The following SGCZ variants were observed in gnomAD, a reference collection of about 807,000 sequenced individuals.
SGCZ encodes sarcoglycan zeta.
Under a neutral mutation model 41.3 loss-of-function variants are expected in SGCZ, and 40 were observed. The ratio of observed to expected loss-of-function variants is 0.97; its 90% CI spans 0.75 to 1.26. The LOEUF (loss-of-function observed/expected upper bound fraction) is 1.26, where lower values mean the gene tolerates loss of function less well. Among genes scored for constraint, SGCZ ranks in the 50% most tolerant of loss-of-function variants. The pLI, the probability that SGCZ is intolerant of heterozygous loss-of-function variation, is 0.00. For missense variants in SGCZ, 552 were observed against 369.8 expected, an observed-to-expected ratio of 1.49 and a Z score of -4.04; for synonymous variants, 206 against 137.5, an observed-to-expected ratio of 1.50 and a Z score of -3.49.
intron 1 of SGCZ, among the ~76,000 whole-genome samples, chr8:14,743,676 C>T (rs141894192): frequency 2.2e-3 from 334 of 152,080 alleles, no homozygotes; most frequent in African/African-American, 7.8e-3. Flanking sequence ...AGTTTGCTCT[C>T]CCCCGCCCGA....
intron 3 of SGCZ, among the ~76,000 whole-genome samples, chr8:14,300,045 G>C (rs1036776496): frequency 6.6e-6 from 1 of 151,946 alleles, no homozygotes; most frequent in Non-Finnish European, 1.5e-5. Flanking sequence ...GGTTTTGTAA[G>C]TCTGAAGTGT....
chr8:14,968,030 A>T (rs1384434326), intron 1 of SGCZ, among the ~76,000 whole-genome samples: 1 of 152,178 alleles, frequency 6.6e-6, no homozygotes, highest in Non-Finnish European at 1.5e-5. Flanking sequence ...AATTTAATCC[A>T]ACTAGAATTT....
At chr8:14,863,850 G>A (rs1028427553) in intron 1 of SGCZ, among the ~76,000 whole-genome samples, 1 of 152,056 alleles carries the variant, frequency 6.6e-6, no homozygotes, top group South Asian at 2.1e-4. Flanking sequence ...ACTCAGGGGG[G>A]CAATTAGTAC....
At chr8:15,177,253 A>T (rs1231081866) in intron 1 of SGCZ, among the ~76,000 whole-genome samples, 1 of 152,216 alleles carries the variant, frequency 6.6e-6, no homozygotes, top group African/African-American at 2.4e-5. Context: ...GGGCATTTAG[A>T]TGTTCCTCAG....
chr8:14,440,268 A>AT (rs1800210775), intron 2 of SGCZ, among the ~76,000 whole-genome samples: 1 of 152,134 alleles, frequency 6.6e-6, no homozygotes, highest in African/African-American at 2.4e-5. Context: ...CTTGGGAAAA[A>AT]TTAAGTGCTT....
intron 1 of SGCZ, among the ~76,000 whole-genome samples, chr8:15,093,188 A>G (rs911447827): frequency 6.6e-6 from 1 of 152,194 alleles, no homozygotes; most frequent in African/African-American, 2.4e-5. Flanking sequence ...TCTCTGACAT[A>G]GGTGACATGA....
rs568150932 is a variant in SGCZ at position 14,378,378 on chromosome 8, T to C, written c.235-54174A>G. On this transcript the variant is annotated intron_variant, in intron 2 of 7. Transcript: ENST00000382080. ...CAGGACATAGGCATGGGCAAGGACTTCATGTCTAAAACACCAAAAGCAATG... is the reference window on the plus strand; with the variant it reads ...CAGGACATAGGCATGGGCAAGGACTCCATGTCTAAAACACCAAAAGCAATG... Among the ~76,000 whole-genome samples the C allele has an allele frequency of 9.2e-5, 14 of 152,294 alleles. 1 individual carries two copies. In the South Asian group the frequency reaches 2.3e-3, roughly 25 times the overall value.
At chr8:14,105,768 G>A (rs2220204) in intron 6 of SGCZ, among the ~76,000 whole-genome samples, 75,172 of 151,796 alleles carry the variant, frequency 0.5, 19,084 homozygotes, top group East Asian at 0.71. Flanking sequence ...AATATCATTC[G>A]CATTTTCACT....
At chr8:14,813,876 C>A (rs759591635) in intron 1 of SGCZ, among the ~76,000 whole-genome samples, 5 of 152,040 alleles carry the variant, frequency 3.3e-5, no homozygotes, top group South Asian at 4.2e-4. Flanking sequence ...TCACTTGAAC[C>A]CTGGAGGCAG....
intron 1 of SGCZ, among the ~76,000 whole-genome samples, chr8:15,036,259 G>T (rs933495132): frequency 6.6e-6 from 1 of 152,004 alleles, no homozygotes; most frequent in African/African-American, 2.4e-5. Context: ...TAAGTTCTTA[G>T]ACACATACAA....
chr8:14,250,480 G>A (rs900491883), intron 3 of SGCZ, among the ~76,000 whole-genome samples: 11 of 151,954 alleles, frequency 7.2e-5, no homozygotes, highest in African/African-American at 2.7e-4. Context: ...CAGAATGTGG[G>A]CAGAAGTGAT....
At chr8:14,746,097 A>G (rs2244868) in intron 1 of SGCZ, among the ~76,000 whole-genome samples, 52,274 of 151,850 alleles carry the variant, frequency 0.34, 9,493 homozygotes, top group Non-Finnish European at 0.41. Flanking sequence ...ACCATTTTCC[A>G]TAAATATCGA....
At chr8:14,483,436 T>C (rs1469775824) in intron 2 of SGCZ, among the ~76,000 whole-genome samples, 1 of 152,144 alleles carries the variant, frequency 6.6e-6, no homozygotes, top group Non-Finnish European at 1.5e-5. Flanking sequence ...CTGGGCATGG[T>C]GGTACCTGCC....
At chr8:14,158,746 C>T (rs915339694) in intron 5 of SGCZ, among the ~76,000 whole-genome samples, 1 of 152,086 alleles carries the variant, frequency 6.6e-6, no homozygotes, top group African/African-American at 2.4e-5. Flanking sequence ...TCTTGCATAC[C>T]ATATTCTATA....
At position 14,376,627 on chromosome 8, in the gene SGCZ, C is replaced by G. The variant is rs1237038556; in HGVS notation, c.235-52423G>C. 2.6e-5 allele frequency among the ~76,000 whole-genome samples: 4 copies of G among 151,948 alleles called. No individual in the cohort carries two copies. In the East Asian group the frequency reaches 7.7e-4, roughly 29 times the overall value. ...ACTTCCAAATGCTACATAAGTTGTT[C>G]CAGAGCATAGAAGCTAAAAAAAAGG... On this transcript the variant is annotated intron_variant, in intron 2 of 7. Coordinates refer to ENST00000382080, the MANE Select transcript of SGCZ (RefSeq NM_139167.4).
chr8:14,585,063 C>T (rs1805015181), intron 1 of SGCZ, among the ~76,000 whole-genome samples: 1 of 152,042 alleles, frequency 6.6e-6, no homozygotes, highest in Non-Finnish European at 1.5e-5. Flanking sequence ...TTCAAGGTCA[C>T]AGAATAAATG....
intron 1 of SGCZ, among the ~76,000 whole-genome samples, chr8:14,975,789 TTATATA>T (rs371834276): frequency 8.0e-6 from 1 of 125,434 alleles, no homozygotes; most frequent in Non-Finnish European, 1.7e-5. Context: ...TTTTCCACTT[TTATATA>T]TATATATATA....
intron 1 of SGCZ, among the ~76,000 whole-genome samples, chr8:14,892,832 C>G (rs982121649): frequency 6.6e-6 from 1 of 152,122 alleles, no homozygotes; most frequent in Non-Finnish European, 1.5e-5. Flanking sequence ...AAGGTTTGAA[C>G]TATATGATCT....
chr8:14,666,867 A>G (rs974896354), intron 1 of SGCZ, among the ~76,000 whole-genome samples: 8 of 152,088 alleles, frequency 5.3e-5, no homozygotes, highest in African/African-American at 1.9e-4. Flanking sequence ...CATAAAAAGA[A>G]CTATTTTAAC....
Sources: gnomAD v4.1 joint callset for allele counts (sites outside exome capture counted in the v4.1 genomes callset) on GRCh38, gnomAD v4.1.1 for gene constraint, MANE v1.5 for transcripts, NCBI Gene and HGNC (gene_info 2026-07-23, HGNC 2026-07-21) for gene names.